LRRC7: variants seen among roughly 807,000 people sequenced by gnomAD.
The protein encoded by LRRC7 is leucine-rich repeat-containing protein 7.
Under a neutral mutation model 175.7 loss-of-function variants are expected in LRRC7, and 23 were observed. The ratio of observed to expected loss-of-function variants is 0.13; its 90% CI spans 0.09 to 0.19. LRRC7 has a LOEUF of 0.19. LRRC7 is among the 10% of genes least tolerant of loss of function. The pLI, the probability that LRRC7 is intolerant of heterozygous loss-of-function variation, is 1.00. For synonymous variants in LRRC7, 685 were observed against 680.9 expected, an observed-to-expected ratio of 1.01 and a Z score of -0.09; for missense variants, 1,354 against 1,904.7, an observed-to-expected ratio of 0.71 and a Z score of 5.38.
chr1:69,721,450 G>A (rs1315646227), intron 2 of LRRC7, among the ~76,000 whole-genome samples: 1 of 119,880 alleles, frequency 8.3e-6, no homozygotes, highest in Non-Finnish European at 1.8e-5. Context: ...CATATAATTG[G>A]AATGAAACAG....
intron 25 of LRRC7, among the ~76,000 whole-genome samples, chr1:70,106,455 T>C (rs1665150189): frequency 1.3e-5 from 2 of 152,214 alleles, no homozygotes; most frequent in African/African-American, 4.8e-5. Flanking sequence ...TCTTCTATGT[T>C]GTAGCATGTT....
At position 69,676,114 on chromosome 1, in the gene LRRC7, C is replaced by G. The variant is rs559375704; in HGVS notation, c.3-2267C>G. ...ATATTTGGAAGACTTTTTTTAAGCC[C>G]CAATGATAAGTTCCCATAGGAGTAG... On this transcript the variant is annotated intron_variant, in intron 1 of 26. Coordinates refer to ENST00000651989, the MANE Select transcript of LRRC7 (RefSeq NM_001370785.2). Among the ~76,000 whole-genome samples, 9 of 151,516 alleles carry G rather than the reference C, an allele frequency of 5.9e-5. No homozygotes were observed. In the South Asian group the frequency reaches 1.9e-3, roughly 32 times the overall value.
intron 1 of LRRC7, among the ~76,000 whole-genome samples, chr1:69,654,908 CA>C (rs1347181734): frequency 6.6e-6 from 1 of 152,034 alleles, no homozygotes; most frequent in African/African-American, 2.4e-5. Flanking sequence ...GATAAATTAT[CA>C]AAATTATCCA....
Position 70,011,777 on chromosome 1 carries a change from TA to T in LRRC7, c.1005-18del, listed in dbSNP as rs765872116. 5.9e-6 allele frequency: 9 copies of T among 1,514,880 alleles called. No homozygotes were observed. The highest frequency in any genetic ancestry group is 6.4e-6 in the Non-Finnish European group (7 of 1,095,726). 93.8% of individuals were successfully genotyped at this position (1,514,880 alleles called of 1,614,324 possible). On this transcript the variant is annotated intron_variant, in intron 11 of 26. Transcript: ENST00000651989. ...CTATCTAACTTTTAAAATGTCTAACTAATGTATTTAACTTTTCAGTTTATCT... is the reference window on the plus strand; with the variant it reads ...CTATCTAACTTTTAAAATGTCTAACTATGTATTTAACTTTTCAGTTTATCT...
chr1:69,600,875 G>A (rs867692798), intron 1 of LRRC7, among the ~76,000 whole-genome samples: 7 of 120,882 alleles, frequency 5.8e-5, no homozygotes, highest in Admixed American at 2.3e-4. Context: ...GCAATCGCAC[G>A]CTCTCGGCTC....
intron 7 of LRRC7, among the ~76,000 whole-genome samples, chr1:69,869,238 C>A (rs1685266347): frequency 6.6e-6 from 1 of 151,874 alleles, no homozygotes; most frequent in Admixed American, 6.6e-5. Context: ...TTCTATAGAA[C>A]TTTGTTAACA....
chr1:69,999,300 A>T (rs1655300045), intron 11 of LRRC7, among the ~76,000 whole-genome samples: 1 of 152,166 alleles, frequency 6.6e-6, no homozygotes, highest in Non-Finnish European at 1.5e-5. Context: ...TATTCCAGAA[A>T]AGCAGGGTGA....
chr1:69,831,443 G>T (rs1290716888), intron 5 of LRRC7, among the ~76,000 whole-genome samples: 1 of 151,884 alleles, frequency 6.6e-6, no homozygotes, highest in Non-Finnish European at 1.5e-5. Flanking sequence ...ATTTCTATAA[G>T]ATCAAGTTCA....
chr1:69,717,901 AGGAGGG>A (rs1665730586), intron 2 of LRRC7, among the ~76,000 whole-genome samples: 1 of 136,362 alleles, frequency 7.3e-6, no homozygotes, highest in African/African-American at 2.8e-5. Context: ...GAGGGAGGGA[AGGAGGG>A]AGAGAAAGAG....
chr1:69,666,323 A>C (rs1352412752), intron 1 of LRRC7, among the ~76,000 whole-genome samples: 1 of 152,078 alleles, frequency 6.6e-6, no homozygotes, highest in African/African-American at 2.4e-5. Context: ...TCAAGATAAT[A>C]CTGGCCTTGT....
intron 7 of LRRC7, among the ~76,000 whole-genome samples, chr1:69,868,852 A>G (rs1405319147): frequency 6.6e-6 from 1 of 151,600 alleles, no homozygotes; most frequent in Non-Finnish European, 1.5e-5. Context: ...TCTTCTCCCC[A>G]TGTCTTTACA....
At chr1:69,621,208 C>A (rs879736490) in intron 1 of LRRC7, among the ~76,000 whole-genome samples, 2 of 151,968 alleles carry the variant, frequency 1.3e-5, no homozygotes, top group Non-Finnish European at 2.9e-5. Flanking sequence ...CCATGCCCGG[C>A]TAATTTTTTA....
In LRRC7 at chr1:70,038,776, G is replaced by A. The variant is rs1461018997; in HGVS notation, c.2952G>A (p.Lys984=). ...MKDIKSNKFK[K]SQSIDEIDIG... is the part of the protein sequence containing the mutation. ...ATATCAAGTCTAATAAATTCAAAAA[G>A]TCACAGAGTATCGATGAGATTGACA... The change falls in exon 21 of 27, where the codon AAG becomes AAA. Residue 984 remains lysine (K), a synonymous_variant. Coordinates refer to ENST00000651989, the MANE Select transcript of LRRC7 (RefSeq NM_001370785.2). The A allele has an allele frequency of 6.2e-7, 1 of 1,613,956 alleles. No homozygotes were observed. Among genetic ancestry groups the A allele is most frequent in the African/African-American group, 1.3e-5 (1 of 75,000 alleles).
intron 5 of LRRC7, among the ~76,000 whole-genome samples, chr1:69,827,194 C>T (rs1460497393): frequency 2.6e-5 from 4 of 152,278 alleles, no homozygotes; most frequent in South Asian, 4.1e-4. Flanking sequence ...ACCAGGACTA[C>T]AGTCATGTCC....
At chr1:69,596,848 A>T (rs1646864935) in intron 1 of LRRC7, among the ~76,000 whole-genome samples, 1 of 152,234 alleles carries the variant, frequency 6.6e-6, no homozygotes, top group Non-Finnish European at 1.5e-5. Context: ...AAAGTGAGCC[A>T]TGTTCCTCTT....
At chr1:69,645,378 G>A (rs1654862086) in intron 1 of LRRC7, among the ~76,000 whole-genome samples, 1 of 151,992 alleles carries the variant, frequency 6.6e-6, no homozygotes, top group Non-Finnish European at 1.5e-5. Flanking sequence ...ACCATATAGA[G>A]GCTCAGGCCT....
At chr1:69,619,973 G>T (rs2100308639) in intron 1 of LRRC7, among the ~76,000 whole-genome samples, 1 of 152,286 alleles carries the variant, frequency 6.6e-6, no homozygotes, top group Middle Eastern at 3.4e-3. Context: ...TTTGATTGCA[G>T]ATTCTATCTT....
intron 1 of LRRC7, among the ~76,000 whole-genome samples, chr1:69,570,170 G>A (rs1645681409): frequency 6.6e-6 from 1 of 152,078 alleles, no homozygotes. Context: ...TAGCGTGGGC[G>A]AGAAGAGTGC....
intron 17 of LRRC7, among the ~76,000 whole-genome samples, chr1:70,024,564 A>G (rs1657882440): frequency 1.3e-5 from 2 of 152,082 alleles, no homozygotes; most frequent in East Asian, 1.9e-4. Context: ...CTGAGCAAAT[A>G]CTTTATAGTG....
Sources: allele counts gnomAD v4.1 joint callset (sites outside exome capture counted in the v4.1 genomes callset), GRCh38; gene constraint gnomAD v4.1.1; transcripts MANE v1.5; gene names NCBI Gene and HGNC (gene_info 2026-07-23, HGNC 2026-07-21).